GRIA1: variants seen among roughly 807,000 people sequenced by gnomAD.
GRIA1 encodes the protein glutamate ionotropic receptor AMPA type subunit 1.
Under a neutral mutation model 99.2 loss-of-function variants are expected in GRIA1, and 31 were observed. The observed-to-expected ratio is 0.31, with a 90% CI of 0.23 to 0.42. The LOEUF is 0.42. Among genes scored for constraint, GRIA1 ranks in the 10% least tolerant of loss-of-function variants. GRIA1 has a pLI of 1.00. For missense variants in GRIA1, 782 were observed against 1,157.5 expected, an observed-to-expected ratio of 0.68 and a Z score of 4.71; for synonymous variants, 438 against 432.4, an observed-to-expected ratio of 1.01 and a Z score of -0.16.
chr5:153,808,315 A>T (rs1367451954), intron 15 of GRIA1, among the ~76,000 whole-genome samples: 3 of 152,062 alleles, frequency 2.0e-5, no homozygotes, highest in Non-Finnish European at 4.4e-5. Context: ...TCAAGGAGGG[A>T]TAAGGGAAAG....
intron 2 of GRIA1, among the ~76,000 whole-genome samples, chr5:153,612,982 T>C (rs1766135484): frequency 1.3e-5 from 2 of 152,198 alleles, no homozygotes; most frequent in Admixed American, 1.3e-4. Flanking sequence ...TTCTCTGCCT[T>C]GTGTGCTTCT....
intron 2 of GRIA1, among the ~76,000 whole-genome samples, chr5:153,561,113 C>T (rs1166802884): frequency 6.6e-6 from 1 of 152,122 alleles, no homozygotes; most frequent in Non-Finnish European, 1.5e-5. Context: ...TATTCAATGG[C>T]ATTTAGTAAA....
At chr5:153,640,306 T>C (rs1208792882) in intron 2 of GRIA1, among the ~76,000 whole-genome samples, 1 of 152,262 alleles carries the variant, frequency 6.6e-6, no homozygotes, top group Non-Finnish European at 1.5e-5. Context: ...ATCTTCCAAC[T>C]GGGCATCAGG....
intron 12 of GRIA1, among the ~76,000 whole-genome samples, chr5:153,766,740 C>T (rs896791740): frequency 6.6e-6 from 1 of 152,154 alleles, no homozygotes; most frequent in Admixed American, 6.5e-5. Context: ...TCTAGTCTAA[C>T]TGTACCATTT....
At chr5:153,512,277 T>A (rs372609821) in intron 2 of GRIA1, among the ~76,000 whole-genome samples, 24 of 152,218 alleles carry the variant, frequency 1.6e-4, no homozygotes, top group African/African-American at 5.3e-4. Context: ...CCACTTTACC[T>A]TGAGTGATTG....
chr5:153,636,973 T>A (rs1422889), intron 2 of GRIA1, among the ~76,000 whole-genome samples: 36,918 of 152,162 alleles, frequency 0.24, 5,910 homozygotes, highest in East Asian at 0.76. Context: ...ACTCACCACA[T>A]GAATGACTCG....
intron 11 of GRIA1, among the ~76,000 whole-genome samples, chr5:153,706,819 G>T (rs1048877656): frequency 4.6e-5 from 7 of 152,192 alleles, no homozygotes; most frequent in Admixed American, 2.6e-4. Flanking sequence ...TTCAGGCCAG[G>T]CGTGGTGGCT....
chr5:153,550,208 T>C (rs1760008939), intron 2 of GRIA1, among the ~76,000 whole-genome samples: 1 of 152,016 alleles, frequency 6.6e-6, no homozygotes, highest in African/African-American at 2.4e-5. Flanking sequence ...TAGGGGTATA[T>C]AGATATGCTA....
At chr5:153,549,379 G>A (rs980168090) in intron 2 of GRIA1, among the ~76,000 whole-genome samples, 11 of 152,088 alleles carry the variant, frequency 7.2e-5, no homozygotes, top group South Asian at 2.1e-4. Flanking sequence ...AGGGTCTTCC[G>A]AGGTTAACAG....
chr5:153,505,475 C>T (rs916373566), intron 2 of GRIA1, among the ~76,000 whole-genome samples: 3 of 152,172 alleles, frequency 2.0e-5, no homozygotes, highest in Admixed American at 1.3e-4. Context: ...CCCCAGAGAG[C>T]CTGCTCGTCT....
At chr5:153,581,819 C>T (rs921005874) in intron 2 of GRIA1, among the ~76,000 whole-genome samples, 4 of 151,480 alleles carry the variant, frequency 2.6e-5, no homozygotes, top group African/African-American at 9.7e-5. Context: ...GGCATGATCT[C>T]CGCTCACTGC....
At chr5:153,786,845 C>G (rs1264018009) in intron 13 of GRIA1, among the ~76,000 whole-genome samples, 1 of 152,184 alleles carries the variant, frequency 6.6e-6, no homozygotes, top group Non-Finnish European at 1.5e-5. Flanking sequence ...CAGGAGCAGG[C>G]AGAGGCACAC....
intron 2 of GRIA1, among the ~76,000 whole-genome samples, chr5:153,635,208 C>T (rs1753260784): frequency 6.6e-6 from 1 of 152,158 alleles, no homozygotes. Flanking sequence ...TTCTGCCACT[C>T]ACCCAAGGAA....
chr5:153,750,926 G>T (rs150815923), intron 11 of GRIA1, among the ~76,000 whole-genome samples: 3 of 151,926 alleles, frequency 2.0e-5, no homozygotes, highest in Non-Finnish European at 4.4e-5. Context: ...ATGAAACCCC[G>T]TCTCTACTAA....
intron 2 of GRIA1, among the ~76,000 whole-genome samples, chr5:153,584,737 C>A (rs978175289): frequency 1.3e-5 from 2 of 152,090 alleles, no homozygotes; most frequent in Non-Finnish European, 2.9e-5. Flanking sequence ...TTGTACAAGG[C>A]AGGAATGTCA....
At chr5:153,497,224 T>A (rs1561585659) in intron 2 of GRIA1, among the ~76,000 whole-genome samples, 1 of 152,134 alleles carries the variant, frequency 6.6e-6, no homozygotes, top group Non-Finnish European at 1.5e-5. Context: ...TTAAGCACTT[T>A]TCCAAGCTTA....
intron 2 of GRIA1, among the ~76,000 whole-genome samples, chr5:153,575,800 A>C (rs1194971509): frequency 6.6e-6 from 1 of 152,204 alleles, no homozygotes; most frequent in Admixed American, 6.5e-5. Flanking sequence ...TAATGGCAGA[A>C]CTGAGGTTAG....
chr5:153,632,400 T>C (rs1397274117), intron 2 of GRIA1, among the ~76,000 whole-genome samples: 1 of 152,214 alleles, frequency 6.6e-6, no homozygotes, highest in Admixed American at 6.5e-5. Flanking sequence ...GCATAGGTGA[T>C]CTGATGGGGG....
At chr5:153,612,849 A>T (rs916030892) in intron 2 of GRIA1, among the ~76,000 whole-genome samples, 2 of 152,194 alleles carry the variant, frequency 1.3e-5, no homozygotes, top group Non-Finnish European at 2.9e-5. Context: ...TTAGCATTAT[A>T]AAGTGTTTCC....
Sources: gnomAD v4.1 joint callset for allele counts (sites outside exome capture counted in the v4.1 genomes callset) on GRCh38, gnomAD v4.1.1 for gene constraint, MANE v1.5 for transcripts, NCBI Gene and HGNC (gene_info 2026-07-23, HGNC 2026-07-21) for gene names.